Variants in GALK2 observed in about 807,000 individuals in gnomAD.
The protein encoded by GALK2 is galactokinase 2.
In GALK2, 36 loss-of-function variants were observed where a neutral mutation model predicts 52.4. The observed-to-expected ratio is 0.69, with a 90% CI of 0.53 to 0.91. The LOEUF is 0.91. GALK2 is among the 40% of genes least tolerant of loss of function. GALK2 has a pLI of 0.00. For synonymous variants in GALK2, 176 were observed against 199.1 expected (o/e 0.88, Z 0.98); for missense variants, 579 against 559.1 (o/e 1.04, Z -0.36).
intron 8 of GALK2, among the ~76,000 whole-genome samples, chr15:49,317,672 A>G (rs1473962615): frequency 6.6e-6 from 1 of 152,200 alleles, no homozygotes; most frequent in Admixed American, 6.5e-5. Flanking sequence ...ATGCCCATCA[A>G]TGATAGATTG....
At chr15:49,347,072 G>A (rs1238006998) in intron 3 of GALK2, among the ~76,000 whole-genome samples, 1 of 152,156 alleles carries the variant, frequency 6.6e-6, no homozygotes, top group Non-Finnish European at 1.5e-5. Flanking sequence ...AGAATTATAT[G>A]TAAAATAGGA....
At position 49,269,233 on chromosome 15, in the gene GALK2, C is replaced by T. The variant is rs770421274; in HGVS notation, c.505-12754C>T. Among the ~76,000 whole-genome samples the T allele has an allele frequency of 3.2e-4, 48 of 152,178 alleles. 1 individual carries two copies. Among genetic ancestry groups the T allele is most frequent in the East Asian group, 1.4e-3 (7 of 5,180 alleles). ...TCTCCCATGGTGTGTAGCATAGAGC[C>T]GCAAATATATATTTAAAAAGTGCTG... On this transcript the variant is annotated intron_variant, in intron 5 of 9. Transcript: ENST00000560031.
intron 3 of GALK2, among the ~76,000 whole-genome samples, chr15:49,367,015 T>A (rs1488314050): frequency 6.6e-6 from 1 of 152,194 alleles, no homozygotes; most frequent in Non-Finnish European, 1.5e-5. Flanking sequence ...AAAAATAAAT[T>A]TTTTAATGTG....
At chr15:49,233,000 A>G (rs2090587967) in intron 3 of GALK2, among the ~76,000 whole-genome samples, 1 of 152,148 alleles carries the variant, frequency 6.6e-6, no homozygotes, top group Admixed American at 6.5e-5. Flanking sequence ...CCAGTTCCAA[A>G]TGCAAATTCA....
chr15:49,292,587 T>C, intron 8 of GALK2, 50 bp downstream of exon 8: 1 of 1,466,322 alleles, frequency 6.8e-7, no homozygotes, highest in South Asian at 1.2e-5. Context: ...CACTTACAGC[T>C]GGAAGGTTTC....
At chr15:49,233,247 G>T (rs899728475) in intron 3 of GALK2, among the ~76,000 whole-genome samples, 1 of 152,190 alleles carries the variant, frequency 6.6e-6, no homozygotes, top group African/African-American at 2.4e-5. Flanking sequence ...CCAGAGCCAG[G>T]AGGAAGAGAG....
At chr15:49,276,780 T>A (rs903227521) in intron 5 of GALK2, among the ~76,000 whole-genome samples, 1 of 152,198 alleles carries the variant, frequency 6.6e-6, no homozygotes, top group Admixed American at 6.5e-5. Context: ...TCATGCTATC[T>A]CTGGCTTAGG....
At chr15:49,207,146 C>T (rs2088361791) in intron 2 of GALK2, among the ~76,000 whole-genome samples, 1 of 152,186 alleles carries the variant, frequency 6.6e-6, no homozygotes, top group African/African-American at 2.4e-5. Context: ...CATTTATAGA[C>T]TTGCCTATGT....
chr15:49,289,959 A>G (rs2033772727), intron 7 of GALK2, among the ~76,000 whole-genome samples: 1 of 152,200 alleles, frequency 6.6e-6, no homozygotes, highest in Non-Finnish European at 1.5e-5. Context: ...CAGAAGTGGT[A>G]TCTGATAGGA....
intron 1 of GALK2, among the ~76,000 whole-genome samples, chr15:49,183,800 A>G (rs11632386): frequency 0.58 from 87,679 of 150,498 alleles, 25,632 homozygotes; most frequent in Admixed American, 0.66. Flanking sequence ...CCAAGATCAC[A>G]CCATTGCACT....
intron 1 of GALK2, among the ~76,000 whole-genome samples, chr15:49,173,930 A>G (rs1684910271): frequency 6.6e-6 from 1 of 152,148 alleles, no homozygotes; most frequent in Admixed American, 6.5e-5. Context: ...TTTAGTAGAG[A>G]CAGGATTTCA....
intron 1 of GALK2, among the ~76,000 whole-genome samples, chr15:49,191,185 A>G (rs2086697519): frequency 6.6e-6 from 1 of 152,106 alleles, no homozygotes; most frequent in Non-Finnish European, 1.5e-5. Context: ...CTATTAAGGG[A>G]GGAATAGGGA....
intron 5 of GALK2, among the ~76,000 whole-genome samples, chr15:49,258,792 A>G (rs200635360): frequency 0.059 from 7,629 of 130,246 alleles, 356 homozygotes; most frequent in African/African-American, 0.15. Flanking sequence ...ATATATATAT[A>G]TATGTGTGTG....
chr15:49,365,023 T>A, intron 3 of GALK2: 1 of 494,122 alleles, frequency 2.0e-6, no homozygotes, highest in Non-Finnish European at 3.7e-6. Context: ...TGCAAACATA[T>A]CATTGAAGAC....
chr15:49,348,401 C>T (rs1239705435), intron 3 of GALK2, among the ~76,000 whole-genome samples: 1 of 152,144 alleles, frequency 6.6e-6, no homozygotes, highest in Non-Finnish European at 1.5e-5. Context: ...ACTTCTGGAA[C>T]TCCCACTTTG....
chr15:49,329,558 A>G lies in GALK2; in HGVS notation c.*1399A>G, dbSNP rs1453777644. On this transcript the variant is annotated 3_prime_UTR_variant, in exon 10 of 10. Transcript: ENST00000560031. ...ATTTCTTAAAGGATAACAGTCATAC[A>G]TAGAATACTAGGAAAGCCAATATTC... 5 of 984,988 alleles carry G rather than the reference A, an allele frequency of 5.1e-6. No individual in the cohort carries two copies. The highest frequency in any genetic ancestry group is 6.0e-6 in the Non-Finnish European group (5 of 829,522). The allele number at this position is 984,988 out of a possible 1,614,324, so 61.0% of individuals were successfully genotyped here. A position where few individuals can be genotyped will look rare whatever the true frequency, so the allele number is the denominator to read the frequency against.
intron 3 of GALK2, among the ~76,000 whole-genome samples, chr15:49,218,977 C>T (rs895187241): frequency 1.1e-4 from 17 of 152,162 alleles, no homozygotes; most frequent in African/African-American, 3.9e-4. Context: ...AGGCACATGC[C>T]GTCACACCTG....
At chr15:49,192,925 C>T (rs2086880143) in intron 1 of GALK2, among the ~76,000 whole-genome samples, 1 of 151,662 alleles carries the variant, frequency 6.6e-6, no homozygotes. Flanking sequence ...ACTGGGATTA[C>T]AGGTGTGGGC....
chr15:49,296,835 G>A (rs6493359), intron 8 of GALK2, among the ~76,000 whole-genome samples: 62,621 of 151,932 alleles, frequency 0.41, 13,056 homozygotes, highest in African/African-American at 0.43. Flanking sequence ...TCCTGACCTC[G>A]TGATTCACCC....
Sources: allele counts gnomAD v4.1 joint callset (sites outside exome capture counted in the v4.1 genomes callset), GRCh38; gene constraint gnomAD v4.1.1; transcripts MANE v1.5; gene names NCBI Gene and HGNC (gene_info 2026-07-23, HGNC 2026-07-21).